The following RTL9 variants were observed in gnomAD, a reference collection of about 807,000 sequenced individuals.
The protein encoded by RTL9 is retrotransposon Gag-like protein 9.
Under a neutral mutation model 44.7 loss-of-function variants are expected in RTL9, and 19 were observed. The observed-to-expected ratio is 0.42, with a 90% CI of 0.30 to 0.62. RTL9 has a LOEUF of 0.62. RTL9 is among the 20% of genes least tolerant of loss of function. RTL9 has a pLI of 0.16. For missense variants in RTL9, 1,105 were observed against 1,080.6 expected, an observed-to-expected ratio of 1.02 and a Z score of -0.32; for synonymous variants, 407 against 398.9, an observed-to-expected ratio of 1.02 and a Z score of -0.24.
intron 1 of RTL9, among the ~76,000 whole-genome samples, chrX:110,409,862 ACCTGTTG>A (rs2068629568): frequency 9.0e-6 from 1 of 110,954 alleles, no homozygotes; most frequent in Non-Finnish European, 1.9e-5. Context: ...GTATTGAACC[ACCTGTTG>A]TCAGGAGCAG....
intron 1 of RTL9, among the ~76,000 whole-genome samples, chrX:110,421,027 T>A (rs1224806654): frequency 1.8e-5 from 2 of 111,809 alleles, no homozygotes; most frequent in Non-Finnish European, 3.8e-5. Flanking sequence ...ATTATGTCAT[T>A]GATATTTGCG....
chrX:110,420,800 GGC>G (rs1181294194), intron 1 of RTL9, among the ~76,000 whole-genome samples: 1 of 111,520 alleles, frequency 9.0e-6, no homozygotes, highest in Non-Finnish European at 1.9e-5. Context: ...CATACTGAAT[GGC>G]TTTATTTTTA....
exon 1 of RTL9, chrX:110,452,005 T>C: frequency 1.7e-6 from 2 of 1,211,573 alleles, no homozygotes; most frequent in Non-Finnish European, 1.1e-6. Flanking sequence ...TCTAGAGTAA[T>C]GTCCGCACAG....
chrX:110,378,216 TG>T (rs1356093259), intron 1 of RTL9, among the ~76,000 whole-genome samples: 2 of 111,112 alleles, frequency 1.8e-5, no homozygotes, highest in African/African-American at 6.6e-5. Context: ...TCTTTGGGTA[TG>T]GGAAGGTCCT....
intron 1 of RTL9, among the ~76,000 whole-genome samples, chrX:110,386,477 T>G (rs745393784): frequency 1.3e-4 from 15 of 111,459 alleles, no homozygotes; most frequent in African/African-American, 4.9e-4. Flanking sequence ...TTGACCATTC[T>G]TATGTCTACT....
chrX:110,369,160 G>C (rs190116417), intron 1 of RTL9, among the ~76,000 whole-genome samples: 2 of 110,803 alleles, frequency 1.8e-5, no homozygotes, highest in Admixed American at 9.6e-5. Flanking sequence ...GTGAAACCCC[G>C]TCTCTACTAA....
At chrX:110,434,023 G>C (rs1020399437) in intron 1 of RTL9, among the ~76,000 whole-genome samples, 1 of 111,476 alleles carries the variant, frequency 9.0e-6, no homozygotes, top group Non-Finnish European at 1.9e-5. Context: ...AACGTATCTG[G>C]GGAAGTTGAG....
At chrX:110,454,724 G>A in intron 1 of RTL9, 60 bp downstream of exon 3, 1 of 982,362 alleles carries the variant, frequency 1.0e-6, no homozygotes, top group Non-Finnish European at 1.4e-6. Context: ...GTCACGACAG[G>A]GAATACATCC....
intron 1 of RTL9, among the ~76,000 whole-genome samples, chrX:110,424,107 A>G (rs911949607): frequency 9.0e-6 from 1 of 111,557 alleles, no homozygotes; most frequent in Non-Finnish European, 1.9e-5. Context: ...TAATTTTACA[A>G]TGAAGAGACT....
chrX:110,453,703 C>T, exon 1 of RTL9: 2 of 1,211,660 alleles, frequency 1.7e-6, no homozygotes, highest in Non-Finnish European at 2.2e-6. Context: ...GCAAGGTCCA[C>T]ATCATTTATG....
intron 1 of RTL9, among the ~76,000 whole-genome samples, chrX:110,397,218 TC>T (rs1179810731): frequency 9.0e-6 from 1 of 111,125 alleles, no homozygotes; most frequent in Admixed American, 9.6e-5. Context: ...TGTCTAATTC[TC>T]TAGACCTCTT....
upstream of RTL9, among the ~76,000 whole-genome samples, chrX:110,447,156 C>T (rs2068913475): frequency 1.8e-5 from 1 of 54,512 alleles, no homozygotes; most frequent in Non-Finnish European, 3.1e-5. Context: ...GAGAGGAGAG[C>T]GACTGGAATT....
chrX:110,450,046 T>C (rs67648651), upstream of RTL9, among the ~76,000 whole-genome samples: 57,016 of 110,396 alleles, frequency 0.52, 13,250 homozygotes, highest in African/African-American at 0.89. Context: ...AGTCATTGAT[T>C]AGATAAATGT....
At chrX:110,429,469 T>G (rs751679315) in intron 1 of RTL9, among the ~76,000 whole-genome samples, 894 of 80,627 alleles carry the variant, frequency 0.011, 7 homozygotes, top group African/African-American at 0.066. Context: ...TTTTTTTTTT[T>G]TTTTGTTTTG....
intron 1 of RTL9, among the ~76,000 whole-genome samples, chrX:110,361,898 C>T (rs2068266018): frequency 8.9e-6 from 1 of 111,951 alleles, no homozygotes; most frequent in African/African-American, 3.2e-5. Context: ...TATACAAAAG[C>T]TGCCATAGAT....
chrX:110,454,653 C>A (rs1246343229), exon 1 of RTL9: 1 of 1,183,558 alleles, frequency 8.4e-7, no homozygotes, highest in Non-Finnish European at 1.1e-6. Flanking sequence ...CTCTCAGCAG[C>A]AGACTGAGGA....
chrX:110,403,694 G>A (rs1316391981), intron 1 of RTL9, among the ~76,000 whole-genome samples: 3 of 112,012 alleles, frequency 2.7e-5, no homozygotes, highest in Non-Finnish European at 5.6e-5. Flanking sequence ...GCCTTTGTAC[G>A]TTTATGACAA....
chrX:110,442,247 CTGTGTGTGTGTG>C lies in RTL9; in HGVS notation c.-167-2876_-167-2865del, dbSNP rs908737506. On this transcript the variant is annotated intron_variant, in intron 1 of 3. Coordinates refer to the RTL9 transcript ENST00000465301. ...TCTCTCTCTCTCTCTCTCTCTCTCT[CTGTGTGTGTGTG>C]TGTGTGTGTGTGTGTGTGTGTGTGT... 1.1e-3 allele frequency among the ~76,000 whole-genome samples: 105 copies of C among 97,039 alleles called. 1 individual carries two copies. Among genetic ancestry groups the C allele is most frequent in the East Asian group, 0.01 (31 of 3,062 alleles). 84.3% of individuals were successfully genotyped at this position (97,039 alleles called of 115,157 possible).
chrX:110,423,946 G>A (rs910665416), intron 1 of RTL9, among the ~76,000 whole-genome samples: 1 of 112,257 alleles, frequency 8.9e-6, no homozygotes, highest in Non-Finnish European at 1.9e-5. Flanking sequence ...TTTTTTCATG[G>A]CATTTTGCTA....
Sources: gnomAD v4.1 joint callset for allele counts (sites outside exome capture counted in the v4.1 genomes callset) on GRCh38, gnomAD v4.1.1 for gene constraint, MANE v1.5 for transcripts, NCBI Gene and HGNC (gene_info 2026-07-23, HGNC 2026-07-21) for gene names.